Variants in VPS54 observed in about 807,000 individuals in gnomAD.
The protein encoded by VPS54 is vacuolar protein sorting-associated protein 54.
VPS54 carries 45 observed loss-of-function variants against 121.5 expected under a neutral mutation model. The observed-to-expected ratio is 0.37, with a 90% confidence interval of 0.29 to 0.47. VPS54 has a LOEUF of 0.47. Ranked by LOEUF, VPS54 falls within the 20% of genes least tolerant of loss-of-function variation. The pLI is 0.99. For synonymous variants in VPS54, 371 were observed against 385.8 expected, an observed-to-expected ratio of 0.96 and a Z score of 0.45; for missense variants, 1,090 against 1,131.4, an observed-to-expected ratio of 0.96 and a Z score of 0.52.
At chr2:63,896,132 G>C (rs1299059715) in intron 22 of VPS54, among the ~76,000 whole-genome samples, 1 of 152,166 alleles carries the variant, frequency 6.6e-6, no homozygotes, top group Non-Finnish European at 1.5e-5. Flanking sequence ...GACATCAAGT[G>C]AGAGATATAC....
chr2:63,954,977 C>A (rs1675427182), intron 7 of VPS54, among the ~76,000 whole-genome samples: 1 of 151,892 alleles, frequency 6.6e-6, no homozygotes, highest in Non-Finnish European at 1.5e-5. Context: ...AATAAACACA[C>A]CATAAGAAAG....
chr2:63,939,299 G>A (rs1445043792), intron 11 of VPS54, among the ~76,000 whole-genome samples: 1 of 151,966 alleles, frequency 6.6e-6, no homozygotes, highest in Non-Finnish European at 1.5e-5. Flanking sequence ...TTGATCCTGG[G>A]AGGCAGAGAT....
intron 10 of VPS54, among the ~76,000 whole-genome samples, chr2:63,943,131 A>G (rs1405271004): frequency 1.3e-5 from 2 of 152,234 alleles, no homozygotes; most frequent in Non-Finnish European, 2.9e-5. Context: ...TTAATAAAAA[A>G]TACTTAGAAC....
intron 11 of VPS54, among the ~76,000 whole-genome samples, chr2:63,938,034 A>C (rs988661371): frequency 8.6e-6 from 1 of 116,160 alleles, no homozygotes; most frequent in African/African-American, 3.4e-5. Context: ...GGGAAAGTGG[A>C]AACGTGTGTG....
At chr2:63,901,700 G>A (rs1672685696) in intron 20 of VPS54, among the ~76,000 whole-genome samples, 1 of 152,148 alleles carries the variant, frequency 6.6e-6, no homozygotes, top group South Asian at 2.1e-4. Context: ...TGGGGTCACG[G>A]TGTGAAGCCA....
intron 20 of VPS54, among the ~76,000 whole-genome samples, chr2:63,911,124 C>T (rs750273408): frequency 6.6e-6 from 1 of 152,118 alleles, no homozygotes; most frequent in Non-Finnish European, 1.5e-5. Flanking sequence ...TGAGAGCAGA[C>T]ACAATATGTT....
chr2:63,931,857 A>G (rs1253664540), intron 12 of VPS54, among the ~76,000 whole-genome samples: 2 of 152,234 alleles, frequency 1.3e-5, no homozygotes, highest in Non-Finnish European at 2.9e-5. Context: ...ATATGAACAG[A>G]CACTTCTCAA....
Position 63,965,972 on chromosome 2 carries a change from A to G in VPS54, c.493-6T>C. On this transcript the variant is annotated splice_region_variant and splice_polypyrimidine_tract_variant and intron_variant, in intron 5 of 22. Transcript: ENST00000272322. ...AAATCTGGTTTCATAAAAATCTATT[A>G]AAAAAATGCATTTCCCTCAATTAGA... 1 of 1,601,230 alleles carries G rather than the reference A, an allele frequency of 6.2e-7. No homozygotes were observed. Among genetic ancestry groups the G allele is most frequent in the Non-Finnish European group, 8.5e-7 (1 of 1,176,154 alleles).
At chr2:63,923,217 G>GAGGC (rs1316028292) in intron 12 of VPS54, among the ~76,000 whole-genome samples, 1 of 152,032 alleles carries the variant, frequency 6.6e-6, no homozygotes, top group African/African-American at 2.4e-5. Context: ...TTGGGAGGCT[G>GAGGC]AGGCAGGAGA....
At chr2:63,899,708 A>G in intron 20 of VPS54, 127 bp from the exon 21 acceptor site, 1 of 710,456 alleles carries the variant, frequency 1.4e-6, no homozygotes. Context: ...TTAAGCTTAC[A>G]CTTTTCAACT....
intron 1 of VPS54, among the ~76,000 whole-genome samples, chr2:63,998,230 G>C (rs867168411): frequency 6.6e-6 from 1 of 152,160 alleles, no homozygotes; most frequent in African/African-American, 2.4e-5. Context: ...TTTGTGTCTT[G>C]AAATCTATTT....
chr2:63,958,896 C>T (rs571293175), intron 7 of VPS54, among the ~76,000 whole-genome samples: 3 of 151,888 alleles, frequency 2.0e-5, no homozygotes, highest in Non-Finnish European at 2.9e-5. Context: ...ATATGGCCCA[C>T]GAAATGACTA....
chr2:64,015,763 A>C (rs1272546732), intron 1 of VPS54, among the ~76,000 whole-genome samples: 1 of 115,466 alleles, frequency 8.7e-6, no homozygotes, highest in African/African-American at 2.9e-5. Flanking sequence ...ATTTGGATTT[A>C]AAAAAATAAG....
At chr2:63,921,847 T>C (rs532036697) in intron 12 of VPS54, among the ~76,000 whole-genome samples, 1 of 152,338 alleles carries the variant, frequency 6.6e-6, no homozygotes, top group Admixed American at 6.5e-5. Context: ...TTTTCAACAC[T>C]TGGTTCAGAC....
Position 63,962,163 on chromosome 2 carries a change from G to A in VPS54, c.905C>T (p.Thr302Ile), listed in dbSNP as rs1345780078. Reference sequence around the variant, plus strand: ...AGAAGTAGATAATAACACCTGTACTGTAGGCTGAGTCTGGTGTACAGTGGC... The same window carrying A: ...AGAAGTAGATAATAACACCTGTACTATAGGCTGAGTCTGGTGTACAGTGGC... Reference protein sequence around the residue: ...LMATVHQTQPTVQVLLSTSEF... With the variant: ...LMATVHQTQPIVQVLLSTSEF... The change falls in exon 7 of 23, where the codon ACA becomes ATA. Residue 302 changes from threonine (T) to isoleucine (I), a missense_variant. Transcript: ENST00000272322. 6.2e-7 allele frequency: 1 copy of A among 1,613,882 alleles called. No homozygotes were observed. Among genetic ancestry groups the A allele is most frequent in the South Asian group, 1.1e-5 (1 of 91,072 alleles).
intron 1 of VPS54, among the ~76,000 whole-genome samples, chr2:63,996,271 C>A (rs1677585403): frequency 6.6e-6 from 1 of 152,164 alleles, no homozygotes. Context: ...GTCTTTACTG[C>A]AGTCTCTGAA....
chr2:63,893,577 T>G (rs1363185501), intron 22 of VPS54, 42 bp from the exon 23 acceptor site: 1 of 1,545,778 alleles, frequency 6.5e-7, no homozygotes, highest in African/African-American at 1.4e-5. Flanking sequence ...TCTCAAACTT[T>G]CTATTCAGAT....
At chr2:63,964,414 T>TTTTAATAAC (rs1675897424) in intron 6 of VPS54, among the ~76,000 whole-genome samples, 1 of 152,152 alleles carries the variant, frequency 6.6e-6, no homozygotes, top group African/African-American at 2.4e-5. Context: ...AAGGAAATAA[T>TTTTAATAAC]TTTTAAATTA....
rs1053425367 is a variant in VPS54, at chr2:63,966,563, C to A, written c.493-597G>T. Among the ~76,000 whole-genome samples the A allele has an allele frequency of 2.5e-4, 38 of 152,136 alleles. 2 individuals are homozygous for A. The highest frequency in any genetic ancestry group is 2.5e-3 in the Admixed American group (38 of 15,282). On this transcript the variant is annotated intron_variant, in intron 5 of 22. Coordinates refer to ENST00000272322, the MANE Select transcript of VPS54 (RefSeq NM_016516.3). ...CTCCACAGCATTCAGTAGTTCAGCT[C>A]TTCAATAGCTATTTACTGATATCCT...
Sources: allele counts gnomAD v4.1 joint callset (sites outside exome capture counted in the v4.1 genomes callset), GRCh38; gene constraint gnomAD v4.1.1; transcripts MANE v1.5; gene names NCBI Gene and HGNC (gene_info 2026-07-23, HGNC 2026-07-21).